The following NRXN1 variants were observed in gnomAD, a reference collection of about 807,000 sequenced individuals.
The protein encoded by NRXN1 is neurexin-1.
In NRXN1, 39 loss-of-function variants were observed where a neutral mutation model predicts 150.9. The observed-to-expected ratio is 0.26, with a 90% CI of 0.20 to 0.34. NRXN1 has a LOEUF of 0.34. NRXN1 is among the 10% of genes least tolerant of loss of function. The pLI is 1.00. For synonymous variants in NRXN1, 924 were observed against 757.0 expected (o/e 1.22, Z -3.62); for missense variants, 1,815 against 1,949.9 (o/e 0.93, Z 1.30).
intron 17 of NRXN1, among the ~76,000 whole-genome samples, chr2:50,302,149 T>A (rs1396808428): frequency 6.6e-6 from 1 of 152,172 alleles, no homozygotes; most frequent in African/African-American, 2.4e-5. Flanking sequence ...GTTTTGAAAC[T>A]AAGTTTTGTG....
chr2:50,705,241 T>C (rs1388499950), intron 5 of NRXN1, among the ~76,000 whole-genome samples: 6 of 152,136 alleles, frequency 3.9e-5, no homozygotes, highest in Non-Finnish European at 8.8e-5. Context: ...TGAATCATAA[T>C]ACGAATGGGC....
intron 18 of NRXN1, among the ~76,000 whole-genome samples, chr2:50,147,929 T>C (rs986370192): frequency 2.0e-5 from 3 of 151,610 alleles, no homozygotes; most frequent in East Asian, 1.9e-4. Context: ...AATCCTAGCT[T>C]ACAAAGTCTA....
intron 18 of NRXN1, 53 bp downstream of exon 18, chr2:50,236,736 C>G: frequency 6.4e-7 from 1 of 1,561,710 alleles, no homozygotes; most frequent in Non-Finnish European, 8.8e-7. Context: ...AAATTCTTTA[C>G]AAAAAGTTAA....
At chr2:50,386,984 AG>A (rs761741740) in intron 17 of NRXN1, among the ~76,000 whole-genome samples, 3 of 152,178 alleles carry the variant, frequency 2.0e-5, no homozygotes, top group Admixed American at 6.6e-5. Context: ...TGAGTGATCT[AG>A]TGCATAGTAT....
intron 5 of NRXN1, among the ~76,000 whole-genome samples, chr2:50,710,437 G>C (rs183254595): frequency 6.6e-6 from 1 of 152,132 alleles, no homozygotes; most frequent in Non-Finnish European, 1.5e-5. Context: ...TATGCACAGA[G>C]AGGATCTTAT....
chr2:50,765,362 C>G (rs1306926616), intron 5 of NRXN1, among the ~76,000 whole-genome samples: 1 of 152,028 alleles, frequency 6.6e-6, no homozygotes, highest in Non-Finnish European at 1.5e-5. Context: ...GAGCTCCTCT[C>G]AGACATCAGG....
intron 17 of NRXN1, among the ~76,000 whole-genome samples, chr2:50,241,582 T>C (rs535354122): frequency 1.1e-4 from 16 of 151,912 alleles, no homozygotes; most frequent in African/African-American, 3.9e-4. Flanking sequence ...CAAGCCTCTA[T>C]TACTCACTCT....
intron 5 of NRXN1, among the ~76,000 whole-genome samples, chr2:50,709,676 G>A (rs1257238466): frequency 6.6e-6 from 1 of 152,130 alleles, no homozygotes; most frequent in African/African-American, 2.4e-5. Context: ...TGCTTCTCAT[G>A]GCTGGGACTG....
At chr2:50,183,545 T>A (rs1276237185) in intron 18 of NRXN1, among the ~76,000 whole-genome samples, 1 of 151,858 alleles carries the variant, frequency 6.6e-6, no homozygotes, top group Non-Finnish European at 1.5e-5. Context: ...TATATATTTT[T>A]AAATGTGGGA....
At chr2:50,779,671 G>A (rs190132077) in intron 5 of NRXN1, among the ~76,000 whole-genome samples, 1 of 152,128 alleles carries the variant, frequency 6.6e-6, no homozygotes, top group Non-Finnish European at 1.5e-5. Context: ...GGGAGGCTGA[G>A]GCAGGAGAAT....
intron 2 of NRXN1, among the ~76,000 whole-genome samples, chr2:50,975,785 T>C (rs1207431960): frequency 3.3e-5 from 5 of 152,012 alleles, no homozygotes; most frequent in African/African-American, 1.2e-4. Flanking sequence ...TTCATACCAG[T>C]CAATCAAACT....
chr2:50,877,525 T>C (rs1678783724), intron 5 of NRXN1, among the ~76,000 whole-genome samples: 1 of 151,944 alleles, frequency 6.6e-6, no homozygotes, highest in African/African-American at 2.4e-5. Context: ...CCTTCTTTCT[T>C]TGAGTTCTTT....
At chr2:50,275,206 A>T (rs536723907) in intron 17 of NRXN1, among the ~76,000 whole-genome samples, 4 of 152,312 alleles carry the variant, frequency 2.6e-5, no homozygotes, top group South Asian at 4.1e-4. Context: ...AATTGCTTGA[A>T]TGGGAAATAA....
In NRXN1 at chr2:50,739,155, G is replaced by T. The variant is rs188912756; in HGVS notation, c.833-115540C>A. 67 of 328,258 alleles carry T rather than the reference G, an allele frequency of 2.0e-4. No individual in the cohort carries two copies. In the East Asian group the frequency reaches 4.5e-3, roughly 22 times the overall value. 20.3% of individuals were successfully genotyped at this position (328,258 alleles called of 1,614,324 possible). ...TATCATTGTATGTCACAAATCTGTA[G>T]ATGTCAAAAATTCTTACAAATCCTT... On this transcript the variant is annotated intron_variant, in intron 5 of 22. Coordinates refer to ENST00000401669, the MANE Select transcript of NRXN1 (RefSeq NM_001330078.2).
intron 22 of NRXN1, among the ~76,000 whole-genome samples, chr2:49,940,264 T>C (rs189894956): frequency 1.3e-5 from 2 of 152,334 alleles, no homozygotes; most frequent in Non-Finnish European, 2.9e-5. Context: ...GCATAGAAGA[T>C]ACATCTGTTT....
intron 5 of NRXN1, among the ~76,000 whole-genome samples, chr2:50,804,682 A>T: frequency 6.6e-6 from 1 of 152,184 alleles, no homozygotes; most frequent in East Asian, 1.9e-4. Context: ...AATATGCAAA[A>T]TGTCCCCTTT....
chr2:50,740,911 C>T (rs558013618), intron 5 of NRXN1, among the ~76,000 whole-genome samples: 44 of 152,202 alleles, frequency 2.9e-4, no homozygotes, highest in South Asian at 8.3e-4. Context: ...GGTTAATGAA[C>T]GTTATTTTTA....
rs1429273780 is a variant in NRXN1 at position 50,628,572 on chromosome 2, C to A, written c.833-4957G>T. Among the ~76,000 whole-genome samples the A allele has an allele frequency of 4.0e-5, 6 of 151,830 alleles. No homozygotes were observed. In the East Asian group the frequency reaches 1.2e-3, roughly 29 times the overall value. ...ATCTAATCATTTGCTACCTTACAAT[C>A]TTTGTAAGTAAGCTTTGTGCTATTC... On this transcript the variant is annotated intron_variant, in intron 5 of 22. Coordinates refer to ENST00000401669, the MANE Select transcript of NRXN1 (RefSeq NM_001330078.2).
intron 17 of NRXN1, among the ~76,000 whole-genome samples, chr2:50,354,958 G>A (rs1250011851): frequency 1.3e-5 from 2 of 151,790 alleles, no homozygotes; most frequent in African/African-American, 4.8e-5. Flanking sequence ...ACAACTCTAA[G>A]GCAATTTAGG....
Sources: allele counts gnomAD v4.1 joint callset (sites outside exome capture counted in the v4.1 genomes callset), GRCh38; gene constraint gnomAD v4.1.1; transcripts MANE v1.5; gene names NCBI Gene and HGNC (gene_info 2026-07-23, HGNC 2026-07-21).